The following LRBA variants were observed in gnomAD, a reference collection of about 807,000 sequenced individuals.
LRBA encodes the protein LPS responsive beige-like anchor protein, also known as lipopolysaccharide-responsive and beige-like anchor protein.
A neutral mutation model predicts 330.0 loss-of-function variants in LRBA; 176 were observed. The observed-to-expected ratio is 0.53, with a 90% CI of 0.47 to 0.60. The LOEUF (loss-of-function observed/expected upper bound fraction) is 0.60, where lower values mean the gene tolerates loss of function less well. LRBA is among the 20% of genes least tolerant of loss of function. The pLI is 0.00. For synonymous variants in LRBA, 1,230 were observed against 1,193.0 expected (o/e 1.03, Z -0.64); for missense variants, 3,259 against 3,444.8 (o/e 0.95, Z 1.35).
At chr4:150,692,301 C>G (rs940379674) in intron 36 of LRBA, among the ~76,000 whole-genome samples, 6 of 152,062 alleles carry the variant, frequency 3.9e-5, no homozygotes, top group African/African-American at 1.4e-4. Context: ...TCACTGAAAC[C>G]TCAATCTCTT....
intron 40 of LRBA, chr4:150,579,025 T>G (rs1181505032): frequency 3.2e-6 from 1 of 311,864 alleles, no homozygotes; most frequent in Non-Finnish European, 6.3e-6. Flanking sequence ...CCTCATTAAC[T>G]CAAGTATGAT....
At chr4:150,955,118 C>A (rs995883944) in intron 2 of LRBA, among the ~76,000 whole-genome samples, 1 of 148,206 alleles carries the variant, frequency 6.7e-6, no homozygotes, top group African/African-American at 2.6e-5. Flanking sequence ...CTACAAAAAA[C>A]AGAAAAATGA....
intron 37 of LRBA, among the ~76,000 whole-genome samples, chr4:150,626,270 C>T (rs1776854761): frequency 6.6e-6 from 1 of 152,146 alleles, no homozygotes; most frequent in Admixed American, 6.5e-5. Flanking sequence ...CTGGCACCTA[C>T]ATTTAACATC....
intron 47 of LRBA, among the ~76,000 whole-genome samples, chr4:150,398,324 A>G (rs1323127137): frequency 6.6e-6 from 1 of 152,248 alleles, no homozygotes; most frequent in Non-Finnish European, 1.5e-5. Flanking sequence ...CCAGAAGAAA[A>G]TAAGCCAATT....
At chr4:150,998,869 A>G (rs1483338745) in intron 2 of LRBA, among the ~76,000 whole-genome samples, 1 of 152,180 alleles carries the variant, frequency 6.6e-6, no homozygotes, top group Non-Finnish European at 1.5e-5. Context: ...CTACACTAGA[A>G]CTCCATTATC....
At chr4:150,672,272 A>G (rs555684287) in intron 37 of LRBA, among the ~76,000 whole-genome samples, 10 of 152,246 alleles carry the variant, frequency 6.6e-5, no homozygotes, top group African/African-American at 2.4e-4. Context: ...ATTCTAATAG[A>G]CAGCTATAGT....
At chr4:151,009,480 T>C (rs559539048) in intron 2 of LRBA, among the ~76,000 whole-genome samples, 1 of 136,556 alleles carries the variant, frequency 7.3e-6, no homozygotes, top group Non-Finnish European at 1.6e-5. Flanking sequence ...ACCCAGGAAG[T>C]GGAGGTTACA....
intron 34 of LRBA, among the ~76,000 whole-genome samples, chr4:150,764,370 T>G (rs72959898): frequency 0.037 from 5,628 of 152,076 alleles, 304 homozygotes; most frequent in African/African-American, 0.12. Flanking sequence ...CTGTCTTTGT[T>G]GATGACATAA....
At chr4:150,604,870 T>C (rs1267181885) in intron 37 of LRBA, among the ~76,000 whole-genome samples, 1 of 152,028 alleles carries the variant, frequency 6.6e-6, no homozygotes, top group Non-Finnish European at 1.5e-5. Context: ...AAAAGTTAAA[T>C]CTAAACTTGG....
intron 2 of LRBA, among the ~76,000 whole-genome samples, chr4:150,966,461 A>C (rs1034017788): frequency 6.8e-6 from 1 of 146,104 alleles, no homozygotes; most frequent in African/African-American, 2.5e-5. Context: ...GGTGCCCGCC[A>C]CCACACCCAG....
intron 47 of LRBA, among the ~76,000 whole-genome samples, chr4:150,393,149 A>G (rs1489551842): frequency 5.9e-5 from 9 of 152,108 alleles, no homozygotes; most frequent in Non-Finnish European, 2.9e-5. Flanking sequence ...TGCTCTGATT[A>G]ACGACATTCT....
At chr4:150,746,984 C>T (rs973496387) in intron 35 of LRBA, among the ~76,000 whole-genome samples, 5 of 152,132 alleles carry the variant, frequency 3.3e-5, no homozygotes, top group Non-Finnish European at 4.4e-5. Context: ...ATCTGATAAT[C>T]ACTGTATTGT....
chr4:150,407,390 C>T (rs1746350617), intron 47 of LRBA, among the ~76,000 whole-genome samples: 1 of 151,896 alleles, frequency 6.6e-6, no homozygotes, highest in South Asian at 2.1e-4. Flanking sequence ...ATACATGAAG[C>T]AAAAACTGAT....
At chr4:150,671,374 C>T (rs1782049455) in intron 37 of LRBA, among the ~76,000 whole-genome samples, 1 of 150,262 alleles carries the variant, frequency 6.7e-6, no homozygotes, top group Non-Finnish European at 1.5e-5. Context: ...AGTGTAGATG[C>T]TCTGAAACAT....
chr4:150,583,936 A>C lies in LRBA; in HGVS notation c.6330+4112T>G. 1 of 1,613,362 alleles carries C rather than the reference A, an allele frequency of 6.2e-7. No individual in the cohort carries two copies. The highest frequency in any genetic ancestry group is 8.5e-7 in the Non-Finnish European group (1 of 1,179,648). On this transcript the variant is annotated intron_variant, in intron 40 of 56. Coordinates refer to ENST00000651943, the MANE Select transcript of LRBA (RefSeq NM_001364905.1). The surrounding 1 kb of genome is among the most constrained non-coding windows in gnomAD (Gnocchi z 9.8). ...GTGCCTGGGCGACCGGCTCAACGGC[A>C]TCCTGCTGCAGCTCATCTCCTGCCT...
chr4:150,878,426 TAGAGG>T, intron 17 of LRBA, among the ~76,000 whole-genome samples: 1 of 151,708 alleles, frequency 6.6e-6, no homozygotes, highest in Non-Finnish European at 1.5e-5. Context: ...ACATCACACC[TAGAGG>T]AACTAGAAAA....
intron 47 of LRBA, among the ~76,000 whole-genome samples, chr4:150,355,432 TA>T (rs35805113): frequency 6.6e-6 from 1 of 151,910 alleles, no homozygotes; most frequent in Non-Finnish European, 1.5e-5. Flanking sequence ...ACCACTCCAT[TA>T]AAAAAAGAAA....
At chr4:150,769,104 T>C (rs1253310924) in intron 34 of LRBA, among the ~76,000 whole-genome samples, 1 of 151,790 alleles carries the variant, frequency 6.6e-6, no homozygotes, top group Admixed American at 6.6e-5. Flanking sequence ...ACTCAGCTAA[T>C]TTTTTATTAT....
intron 36 of LRBA, among the ~76,000 whole-genome samples, chr4:150,696,094 G>A (rs755039865): frequency 4.6e-5 from 7 of 152,086 alleles, no homozygotes; most frequent in Non-Finnish European, 7.4e-5. Context: ...GCTGGGCATG[G>A]TGGCATGCAC....
Sources: allele counts gnomAD v4.1 joint callset (sites outside exome capture counted in the v4.1 genomes callset), GRCh38; gene constraint gnomAD v4.1.1; non-coding constraint Gnocchi (gnomAD v3.1); transcripts MANE v1.5; gene names NCBI Gene and HGNC (gene_info 2026-07-23, HGNC 2026-07-21).